Variants in ACBD3 observed in about 807,000 individuals in gnomAD.
ACBD3 encodes acyl-CoA binding domain containing 3.
In ACBD3, 30 loss-of-function variants were observed where a neutral mutation model predicts 66.9. The observed-to-expected ratio is 0.45, with a 90% CI of 0.34 to 0.61. The LOEUF (loss-of-function observed/expected upper bound fraction) is 0.61. ACBD3 is among the 20% of genes least tolerant of loss of function. ACBD3 has a pLI of 0.02. For synonymous variants in ACBD3, 278 were observed against 259.8 expected (o/e 1.07, Z -0.68); for missense variants, 544 against 664.5 (o/e 0.82, Z 1.99).
In ACBD3 at chr1:226,145,477, A is replaced by T. The variant is rs1365303496; in HGVS notation, c.*1133T>A. 6.6e-6 allele frequency: 1 copy of T among 152,584 alleles called. No individual in the cohort carries two copies. Among genetic ancestry groups the T allele is most frequent in the Non-Finnish European group, 1.5e-5 (1 of 68,010 alleles). 9.5% of individuals were successfully genotyped at this position (152,584 alleles called of 1,614,324 possible). A position where few individuals can be genotyped will look rare whatever the true frequency, so the allele number is the denominator to read the frequency against. ...CCAATCACTTATACAAATTTGAGGC[A>T]ATTAATCCATATTTGTTTTCAGTAA... is the stretch of plus-strand genomic sequence containing the variant. On this transcript the variant is annotated 3_prime_UTR_variant, in exon 8 of 8. Coordinates refer to ENST00000366812, the MANE Select transcript of ACBD3 (RefSeq NM_022735.4).
chr1:226,164,760 A>G (rs1274046399), intron 3 of ACBD3, 29 bp downstream of exon 3: 2 of 1,600,894 alleles, frequency 1.2e-6, no homozygotes, highest in African/African-American at 2.7e-5. Flanking sequence ...CTGCGCAGCA[A>G]TAAAGTATTC....
In ACBD3 at chr1:226,146,109, ATTTC is replaced by A. The variant is rs1659444131; in HGVS notation, c.*497_*500del. On this transcript the variant is annotated 3_prime_UTR_variant, in exon 8 of 8. Coordinates refer to ENST00000366812, the MANE Select transcript of ACBD3 (RefSeq NM_022735.4). Reference sequence around the variant, plus strand: ...TTCTGAACGAGATCAAACTGAGGCCATTTCTTTTTCTATTATAATCTGTGAGGTG... The same window carrying A: ...TTCTGAACGAGATCAAACTGAGGCCATTTTTCTATTATAATCTGTGAGGTG... The A allele has an allele frequency of 6.5e-6, 1 of 153,762 alleles. No homozygotes were observed. The highest frequency in any genetic ancestry group is 1.5e-5 in the Non-Finnish European group (1 of 68,960). The allele number at this position is 153,762 out of a possible 1,614,324, so 9.5% of individuals were successfully genotyped here. A position where few individuals can be genotyped will look rare whatever the true frequency, so the allele number is the denominator to read the frequency against.
At chr1:226,166,127 G>A (rs935593702) in intron 1 of ACBD3, 127 bp from the exon 2 acceptor site, 80 of 1,068,726 alleles carry the variant, frequency 7.5e-5, no homozygotes, top group Non-Finnish European at 9.4e-5. Context: ...AACACTAATA[G>A]TGAAATTTTT....
intron 6 of ACBD3, among the ~76,000 whole-genome samples, chr1:226,153,484 C>T (rs941214697): frequency 6.6e-6 from 1 of 152,186 alleles, no homozygotes; most frequent in South Asian, 2.1e-4. Flanking sequence ...GGTCAATTGT[C>T]CCTTCCTCTG....
At chr1:226,178,669 A>T (rs1202580015) in intron 1 of ACBD3, among the ~76,000 whole-genome samples, 1 of 151,974 alleles carries the variant, frequency 6.6e-6, no homozygotes, top group Non-Finnish European at 1.5e-5. Flanking sequence ...GAGGCAAAGG[A>T]AAGTACCAAA....
intron 3 of ACBD3, 107 bp downstream of exon 3, chr1:226,164,682 G>A: frequency 7.9e-7 from 1 of 1,272,980 alleles, no homozygotes; most frequent in East Asian, 2.7e-5. Context: ...GGGGATCCAA[G>A]GAAAGCAAGA....
chr1:226,169,334 G>C (rs1425918710), intron 1 of ACBD3, among the ~76,000 whole-genome samples: 2 of 151,668 alleles, frequency 1.3e-5, no homozygotes, highest in Admixed American at 6.6e-5. Flanking sequence ...TGCAAGCTCT[G>C]CCTCCCGGGT....
At chr1:226,171,590 C>T (rs1358108216) in intron 1 of ACBD3, among the ~76,000 whole-genome samples, 1 of 151,122 alleles carries the variant, frequency 6.6e-6, no homozygotes, top group East Asian at 2.0e-4. Context: ...CACGATGGAG[C>T]ACAGTGGCGT....
chr1:226,172,748 C>T (rs561819470), intron 1 of ACBD3, among the ~76,000 whole-genome samples: 14 of 152,118 alleles, frequency 9.2e-5, no homozygotes, highest in African/African-American at 2.9e-4. Context: ...AGTTTGAGAC[C>T]AACCTGGGCA....
At position 226,146,618 on chromosome 1, in the gene ACBD3, TATA is replaced by T; in HGVS notation, c.1576_1578del (p.Tyr526del). The T allele has an allele frequency of 6.2e-7, 1 of 1,613,670 alleles. No individual in the cohort carries two copies. The highest frequency in any genetic ancestry group is 8.5e-7 in the Non-Finnish European group (1 of 1,179,822). ...ACTTTGTAACAACATTTTTATCTAG[TATA>T]ATAGACTCTGTAGTAGACTGATTTT... On this transcript the variant is annotated inframe_deletion, in exon 8 of 8. Coordinates refer to ENST00000366812, the MANE Select transcript of ACBD3 (RefSeq NM_022735.4).
At chr1:226,171,562 A>G (rs67776609) in intron 1 of ACBD3, among the ~76,000 whole-genome samples, 96,428 of 151,608 alleles carry the variant, frequency 0.64, 30,885 homozygotes, top group African/African-American at 0.7. Context: ...TTTTGAGATG[A>G]AGTCTTGCTC....
intron 1 of ACBD3, among the ~76,000 whole-genome samples, chr1:226,179,503 T>A (rs1426887340): frequency 1.3e-5 from 2 of 152,198 alleles, no homozygotes; most frequent in Non-Finnish European, 2.9e-5. Context: ...TTTTATTTCA[T>A]GGCCATATCA....
intron 1 of ACBD3, among the ~76,000 whole-genome samples, chr1:226,184,835 G>A (rs1576244365): frequency 6.9e-6 from 1 of 145,958 alleles, no homozygotes; most frequent in African/African-American, 2.5e-5. Flanking sequence ...AGTTTTGCTC[G>A]TCGCCCAGGC....
intron 5 of ACBD3, among the ~76,000 whole-genome samples, chr1:226,157,987 A>G (rs1436296283): frequency 6.6e-6 from 1 of 152,264 alleles, no homozygotes; most frequent in Non-Finnish European, 1.5e-5. Flanking sequence ...AGAAGCAGGA[A>G]AATGGAAGTG....
At chr1:226,175,107 A>G (rs1157330562) in intron 1 of ACBD3, among the ~76,000 whole-genome samples, 3 of 151,418 alleles carry the variant, frequency 2.0e-5, no homozygotes, top group African/African-American at 4.8e-5. Context: ...AAAAAAAAAA[A>G]AAAAGAAAGA....
Position 226,169,451 on chromosome 1 carries a change from G to C in ACBD3, c.287-3451C>G, listed in dbSNP as rs530245792. Among the ~76,000 whole-genome samples the C allele has an allele frequency of 1.3e-4, 20 of 151,136 alleles. No homozygotes were observed. In the South Asian group the frequency reaches 4.2e-3, roughly 32 times the overall value. Reference sequence around the variant, plus strand: ...TTTTTAGTAGAGACGGGGTTTCACTGTGTTAGCCAGGATGGTCTCGATCTC... The same window carrying C: ...TTTTTAGTAGAGACGGGGTTTCACTCTGTTAGCCAGGATGGTCTCGATCTC... On this transcript the variant is annotated intron_variant, in intron 1 of 7. Transcript: ENST00000366812.
chr1:226,164,393 T>C (rs540312105), intron 3 of ACBD3, among the ~76,000 whole-genome samples: 3 of 152,230 alleles, frequency 2.0e-5, no homozygotes, highest in South Asian at 4.1e-4. Flanking sequence ...TAAGGTAGCA[T>C]AGTTGCAAAC....
rs529808671 is a variant in ACBD3 at position 226,161,168 on chromosome 1, T to C, written c.728+363A>G. Among the ~76,000 whole-genome samples the C allele has an allele frequency of 9.4e-5, 9 of 95,760 alleles. No homozygotes were observed. In the South Asian group the frequency reaches 2.5e-3, roughly 26 times the overall value. The allele number at this position is 95,760 out of a possible 152,430, so 62.8% of individuals were successfully genotyped here. A position where few individuals can be genotyped will look rare whatever the true frequency, so the allele number is the denominator to read the frequency against. On this transcript the variant is annotated intron_variant, in intron 4 of 7. Coordinates refer to ENST00000366812, the MANE Select transcript of ACBD3 (RefSeq NM_022735.4). ...TTCCTTTTTTTTTTTGAGACGGAGT[T>C]TCACTCATTACCCAGGCTGGAGTGC...
Position 226,146,762 on chromosome 1 carries a change from T to C in ACBD3, c.1435A>G (p.Ile479Val). ...CAGTCCCGTCGGTACACAGGCACAATCTCATCCAGCAAAGGCTTGTTGGCA... is the reference window on the plus strand; with the variant it reads ...CAGTCCCGTCGGTACACAGGCACAACCTCATCCAGCAAAGGCTTGTTGGCA... ...KNANKPLLDE[I>V]VPVYRRDCHE... The change falls in exon 8 of 8, where the codon ATT becomes GTT. Residue 479 changes from isoleucine to valine, a missense_variant. Physicochemically the swap from Ile to Val is conservative, Grantham distance 29. Transcript: ENST00000366812. 6.2e-7 allele frequency: 1 copy of C among 1,614,070 alleles called. No individual in the cohort carries two copies. Among genetic ancestry groups the C allele is most frequent in the South Asian group, 1.1e-5 (1 of 91,076 alleles).
Sources: gnomAD v4.1 joint callset for allele counts (sites outside exome capture counted in the v4.1 genomes callset) on GRCh38, gnomAD v4.1.1 for gene constraint, MANE v1.5 for transcripts, NCBI Gene and HGNC (gene_info 2026-07-23, HGNC 2026-07-21) for gene names.